PTPRZ1: variants seen among roughly 807,000 people sequenced by gnomAD.
PTPRZ1 encodes the protein protein tyrosine phosphatase receptor type Z1, also known as receptor-type tyrosine-protein phosphatase zeta.
A neutral mutation model predicts 214.1 loss-of-function variants in PTPRZ1; 82 were observed. That is an observed-to-expected ratio of 0.38 (90% CI 0.32 to 0.46). The LOEUF (loss-of-function observed/expected upper bound fraction) is 0.46. Ranked by LOEUF, PTPRZ1 falls within the 20% of genes least tolerant of loss-of-function variation. PTPRZ1 has a pLI of 1.00. For missense variants in PTPRZ1, 2,603 were observed against 2,748.7 expected (o/e 0.95, Z 1.19); for synonymous variants, 945 against 987.9 (o/e 0.96, Z 0.81).
At chr7:121,935,143 G>C (rs945774416) in intron 2 of PTPRZ1, among the ~76,000 whole-genome samples, 1 of 152,054 alleles carries the variant, frequency 6.6e-6, no homozygotes, top group Non-Finnish European at 1.5e-5. Flanking sequence ...TTATTTGGTC[G>C]CAACTCTTAT....
Position 121,986,151 on chromosome 7 carries a change from C to T in PTPRZ1, c.928+2034C>T, listed in dbSNP as rs140132331. 7.2e-3 allele frequency among the ~76,000 whole-genome samples: 1,102 copies of T among 152,252 alleles called. 11 individuals are homozygous for T. The highest frequency in any genetic ancestry group is 0.025 in the African/African-American group (1,021 of 41,556). On this transcript the variant is annotated intron_variant, in intron 8 of 29. Transcript: ENST00000393386. Reference sequence around the variant, plus strand: ...ATAATAACAAAAACAGTAATAGCTACTGTGTATTGTGTGACTCTACCAGGC... The same window carrying T: ...ATAATAACAAAAACAGTAATAGCTATTGTGTATTGTGTGACTCTACCAGGC...
At chr7:121,981,004 T>A (rs1427764865) in intron 6 of PTPRZ1, among the ~76,000 whole-genome samples, 2 of 151,948 alleles carry the variant, frequency 1.3e-5, no homozygotes, top group Non-Finnish European at 2.9e-5. Context: ...TAGCCAGGCG[T>A]GGTGGCAGGC....
At chr7:121,888,528 G>T (rs1386488764) in intron 1 of PTPRZ1, among the ~76,000 whole-genome samples, 1 of 152,034 alleles carries the variant, frequency 6.6e-6, no homozygotes, top group East Asian at 1.9e-4. Context: ...ATCGAATTCA[G>T]AAAACACTTA....
chr7:121,896,032 A>G (rs1054308987), intron 1 of PTPRZ1, among the ~76,000 whole-genome samples: 37 of 152,164 alleles, frequency 2.4e-4, no homozygotes, highest in African/African-American at 8.7e-4. Flanking sequence ...ATTCATTTAT[A>G]GATATATTCA....
At chr7:121,945,486 T>C (rs1396730760) in intron 2 of PTPRZ1, among the ~76,000 whole-genome samples, 2 of 152,204 alleles carry the variant, frequency 1.3e-5, no homozygotes, top group Non-Finnish European at 2.9e-5. Flanking sequence ...AGTTGTAAGT[T>C]TTGCAAATTC....
chr7:122,010,255 G>C, intron 11 of PTPRZ1, 79 bp from the exon 12 acceptor site: 1 of 1,350,978 alleles, frequency 7.4e-7, no homozygotes, highest in Non-Finnish European at 1.0e-6. Context: ...CACAAGTGAT[G>C]ATTGGCAGTG....
intron 2 of PTPRZ1, among the ~76,000 whole-genome samples, chr7:121,949,890 A>G (rs1366672730): frequency 1.3e-5 from 2 of 152,228 alleles, no homozygotes; most frequent in East Asian, 1.9e-4. Flanking sequence ...AGAGACTCCA[A>G]TATCAAAGGT....
intron 9 of PTPRZ1, 72 bp from the exon 10 acceptor site, chr7:121,997,808 A>G (rs867868073): frequency 5.1e-6 from 7 of 1,380,928 alleles, no homozygotes; most frequent in Middle Eastern, 4.1e-4. Flanking sequence ...AAAGTTTTCT[A>G]GGAAAGATAC....
intron 5 of PTPRZ1, 90 bp from the exon 6 acceptor site, chr7:121,976,695 T>A: frequency 9.3e-7 from 1 of 1,074,514 alleles, no homozygotes; most frequent in Admixed American, 2.6e-5. Context: ...ATGCACATAT[T>A]TAAAATGGAA....
At chr7:122,027,736 G>A (rs533958227) in intron 13 of PTPRZ1, among the ~76,000 whole-genome samples, 9 of 152,162 alleles carry the variant, frequency 5.9e-5, no homozygotes, top group Non-Finnish European at 1.2e-4. Context: ...CTTGTCGATA[G>A]TTTGTGGTGT....
Position 122,010,563 on chromosome 7 carries a change from C to A in PTPRZ1, c.1517C>A (p.Pro506Gln), listed in dbSNP as rs199976565. 26 of 1,613,272 alleles carry A rather than the reference C, an allele frequency of 1.6e-5. No individual in the cohort carries two copies. The East Asian group carries it at 5.8e-4, about 36-fold the overall frequency. ...PNTSLNSTSQ[P>Q]VTKLATEKDI... The stretch of plus-strand genomic sequence containing the variant: ...ACATCTTTAAATTCCACTTCCCAAC[C>A]AGTCACTAAATTAGCCACAGAAAAA... The change falls in exon 12 of 30, where the codon CCA becomes CAA. Residue 506 changes from proline (P) to glutamine (Q), a missense_variant. Pro to Gln is a moderately conservative substitution (Grantham distance 76). Coordinates refer to ENST00000393386, the MANE Select transcript of PTPRZ1 (RefSeq NM_002851.3).
At chr7:121,911,872 A>G (rs1333399204) in intron 1 of PTPRZ1, among the ~76,000 whole-genome samples, 2 of 151,984 alleles carry the variant, frequency 1.3e-5, no homozygotes, top group Non-Finnish European at 1.5e-5. Flanking sequence ...TATTACAGGC[A>G]CCTAGATAAC....
Position 122,012,303 on chromosome 7 carries a change from A to G in PTPRZ1, c.3257A>G (p.Gln1086Arg). ...DNVNKLNASL[Q>R]ETSVSISSTK... Reference sequence around the variant, plus strand: ...GTAAATAAGTTGAATGCGTCTTTACAAGAAACCTCTGTTTCCATTTCTAGC... The same window carrying G: ...GTAAATAAGTTGAATGCGTCTTTACGAGAAACCTCTGTTTCCATTTCTAGC... The change falls in exon 12 of 30, where the codon CAA (glutamine) becomes CGA (arginine). Residue 1086 changes from glutamine to arginine, a missense_variant. Gln to Arg is a conservative substitution (Grantham distance 43). Coordinates refer to ENST00000393386, the MANE Select transcript of PTPRZ1 (RefSeq NM_002851.3). 6.2e-7 allele frequency: 1 copy of G among 1,614,168 alleles called. No homozygotes were observed.
intron 3 of PTPRZ1, among the ~76,000 whole-genome samples, chr7:121,970,960 A>G (rs1797226522): frequency 6.6e-6 from 1 of 152,278 alleles, no homozygotes; most frequent in African/African-American, 2.4e-5. Flanking sequence ...TATTTAATCC[A>G]TCTTGAATTA....
intron 27 of PTPRZ1, among the ~76,000 whole-genome samples, chr7:122,058,219 TATC>T (rs2150495639): frequency 6.6e-6 from 1 of 152,062 alleles, no homozygotes; most frequent in East Asian, 1.9e-4. Flanking sequence ...TTAAAAAAGG[TATC>T]ATTTTTTTAA....
At chr7:121,996,063 G>C (rs966578493) in intron 8 of PTPRZ1, among the ~76,000 whole-genome samples, 10 of 152,018 alleles carry the variant, frequency 6.6e-5, no homozygotes, top group Non-Finnish European at 1.5e-4. Flanking sequence ...TGCAAATAAT[G>C]CAGTAATAAT....
chr7:122,057,603 T>C (rs1792396481), intron 27 of PTPRZ1, among the ~76,000 whole-genome samples: 1 of 151,358 alleles, frequency 6.6e-6, no homozygotes, highest in South Asian at 2.1e-4. Context: ...GCAAATACTT[T>C]CTCCCAGTTT....
intron 13 of PTPRZ1, among the ~76,000 whole-genome samples, chr7:122,021,522 C>T (rs1358444374): frequency 1.3e-5 from 2 of 151,986 alleles, no homozygotes; most frequent in Non-Finnish European, 2.9e-5. Context: ...CACTTGAGGC[C>T]GTGAGTTTGA....
At chr7:121,921,503 C>T (rs1179836393) in intron 1 of PTPRZ1, among the ~76,000 whole-genome samples, 1 of 151,968 alleles carries the variant, frequency 6.6e-6, no homozygotes, top group African/African-American at 2.4e-5. Flanking sequence ...ATGATTTTAC[C>T]ATTTTGATTA....
Sources: gnomAD v4.1 joint callset for allele counts (sites outside exome capture counted in the v4.1 genomes callset) on GRCh38, gnomAD v4.1.1 for gene constraint, MANE v1.5 for transcripts, NCBI Gene and HGNC (gene_info 2026-07-23, HGNC 2026-07-21) for gene names.